The following RPS3 variants were observed in gnomAD, a reference collection of about 807,000 sequenced individuals.
The protein encoded by RPS3 is small ribosomal subunit protein uS3.
In RPS3, 2 loss-of-function variants were observed where a neutral mutation model predicts 25.8. That is an observed-to-expected ratio of 0.08 (90% CI 0.03 to 0.24). The LOEUF is 0.24. RPS3 is among the 10% of genes least tolerant of loss of function. RPS3 has a pLI of 1.00. For synonymous variants in RPS3, 114 were observed against 114.2 expected (o/e 1.00, Z 0.01); for missense variants, 107 against 307.1 (o/e 0.35, Z 4.87).
chr11:75,403,802 G>A, intron 4 of RPS3: 2 of 494,304 alleles, frequency 4.0e-6, no homozygotes. Context: ...ATGCAGCCAG[G>A]GTTGGAAAGT....
At position 75,404,933 on chromosome 11, in the gene RPS3, A is replaced by G; in HGVS notation, c.*3+65A>G. 1 of 1,067,512 alleles carries G rather than the reference A, an allele frequency of 9.4e-7. No homozygotes were observed. The highest frequency in any genetic ancestry group is 1.8e-5 in the South Asian group (1 of 55,890). 66.1% of individuals were successfully genotyped at this position (1,067,512 alleles called of 1,614,324 possible). ...GGTCCTTCCGAGTCTTTCTGTTAAT[A>G]CTTGTATCCCACATTCTGGTAAGCG... On this transcript the variant is annotated intron_variant, in intron 6 of 6. Coordinates refer to ENST00000531188, the MANE Select transcript of RPS3 (RefSeq NM_001005.5). This position sits in a 1 kb window ranked among gnomAD's most constrained non-coding sequence, Gnocchi z 4.6.
chr11:75,399,531 C>T lies in RPS3; in HGVS notation c.-17C>T, dbSNP rs17881757. On this transcript the variant is annotated 5_prime_UTR_variant, in exon 1 of 7. Transcript: ENST00000531188. ...CGCGAGCCACTTCCTTTCCTTTCAGCGGAGCGCGGCGGCAAGATGGCAGTG... is the reference window on the plus strand; with the variant it reads ...CGCGAGCCACTTCCTTTCCTTTCAGTGGAGCGCGGCGGCAAGATGGCAGTG... 4.4e-4 allele frequency: 704 copies of T among 1,613,774 alleles called. 5 individuals carry two copies. In the African/African-American group the frequency reaches 8.6e-3, roughly 20 times the overall value.
chr11:75,405,436 G>T, intron 6 of RPS3, 178 bp from the exon 7 acceptor site: 1 of 340,988 alleles, frequency 2.9e-6, no homozygotes, highest in South Asian at 2.4e-5. Flanking sequence ...TTGTTTATAG[G>T]TGTTGTCTCT....
chr11:75,399,916 G>A, intron 1 of RPS3: 1 of 404,248 alleles, frequency 2.5e-6, no homozygotes, highest in Non-Finnish European at 4.5e-6. Flanking sequence ...CCGTGGTTTT[G>A]GGAAGAGAAG....
intron 6 of RPS3, among the ~76,000 whole-genome samples, chr11:75,417,516 G>A (rs568785624): frequency 1.7e-4 from 26 of 152,356 alleles, no homozygotes; most frequent in African/African-American, 6.0e-4. Context: ...AGAATGGCGT[G>A]AACCCGGGAG....
At position 75,404,957 on chromosome 11, in the gene RPS3, C is replaced by T. The variant is rs995638721; in HGVS notation, c.*3+89C>T. 1.7e-5 allele frequency: 15 copies of T among 858,344 alleles called. No individual in the cohort carries two copies. The highest frequency in any genetic ancestry group is 1.7e-5 in the Non-Finnish European group (10 of 577,258). The allele number at this position is 858,344 out of a possible 1,614,324, so 53.2% of individuals were successfully genotyped here. On this transcript the variant is annotated intron_variant, in intron 6 of 6. Transcript: ENST00000531188. This position sits in a 1 kb window ranked among gnomAD's most constrained non-coding sequence, Gnocchi z 4.6. ...TACTTGTATCCCACATTCTGGTAAG[C>T]GTTTGGTGAATAAAAATTTCATTTA...
chr11:75,404,923 T>G lies in RPS3; in HGVS notation c.*3+55T>G. The G allele has an allele frequency of 8.3e-7, 1 of 1,202,000 alleles. No homozygotes were observed. The highest frequency in any genetic ancestry group is 1.2e-6 in the Non-Finnish European group (1 of 858,860). 74.5% of individuals were successfully genotyped at this position (1,202,000 alleles called of 1,614,324 possible). ...GGCATAATAGGGTCCTTCCGAGTCT[T>G]TCTGTTAATACTTGTATCCCACATT... On this transcript the variant is annotated intron_variant, in intron 6 of 6. Transcript: ENST00000531188. The surrounding 1 kb of genome is among the most constrained non-coding windows in gnomAD (Gnocchi z 4.6).
downstream of RPS3, among the ~76,000 whole-genome samples, chr11:75,408,055 T>G (rs1308837485): frequency 6.6e-6 from 1 of 152,232 alleles, no homozygotes; most frequent in African/African-American, 2.4e-5. Flanking sequence ...GTGCTGTTAA[T>G]TACCACTAGG....
intron 6 of RPS3, among the ~76,000 whole-genome samples, chr11:75,418,527 T>C (rs1043758229): frequency 6.6e-6 from 1 of 152,130 alleles, no homozygotes; most frequent in Non-Finnish European, 1.5e-5. Flanking sequence ...AAGTACAGGA[T>C]GAAGTGAATT....
At chr11:75,409,427 C>G (rs1948321468), downstream of RPS3, among the ~76,000 whole-genome samples, 1 of 133,448 alleles carries the variant, frequency 7.5e-6, no homozygotes, top group East Asian at 2.1e-4. Flanking sequence ...TTTAACAAAG[C>G]ACATCTTGCA....
At position 75,404,409 on chromosome 11, in the gene RPS3, C is replaced by A; in HGVS notation, c.538+202C>A. The A allele has an allele frequency of 1.3e-6, 1 of 776,964 alleles. No individual in the cohort carries two copies. Among genetic ancestry groups the A allele is most frequent in the Non-Finnish European group, 2.3e-6 (1 of 430,592 alleles). The allele number at this position is 776,964 out of a possible 1,614,324, so 48.1% of individuals were successfully genotyped here. A position where few individuals can be genotyped will look rare whatever the true frequency, so the allele number is the denominator to read the frequency against. Reference sequence around the variant, plus strand: ...AGAGTTGGTTTGTCCTTGTTTTAGCCATCTGTGTACCCTTCAGTGATGACA... The same window carrying A: ...AGAGTTGGTTTGTCCTTGTTTTAGCAATCTGTGTACCCTTCAGTGATGACA... On this transcript the variant is annotated intron_variant, in intron 5 of 6. Coordinates refer to ENST00000531188, the MANE Select transcript of RPS3 (RefSeq NM_001005.5). The surrounding 1 kb of genome is among the most constrained non-coding windows in gnomAD (Gnocchi z 4.6).
chr11:75,419,891 C>G (rs1948428874), intron 6 of RPS3, among the ~76,000 whole-genome samples: 1 of 152,184 alleles, frequency 6.6e-6, no homozygotes, highest in African/African-American at 2.4e-5. Context: ...ACCTCGGCCT[C>G]CCTAAGTACT....
At chr11:75,408,202 T>C (rs1350350199), downstream of RPS3, among the ~76,000 whole-genome samples, 2 of 152,178 alleles carry the variant, frequency 1.3e-5, no homozygotes, top group Non-Finnish European at 2.9e-5. Context: ...TGTGTAACCA[T>C]TTAAAAATGC....
chr11:75,417,398 A>G (rs1948408384), intron 6 of RPS3, among the ~76,000 whole-genome samples: 1 of 152,274 alleles, frequency 6.6e-6, no homozygotes, highest in East Asian at 1.9e-4. Flanking sequence ...AGTCGAGACC[A>G]TCCTGGCTAA....
downstream of RPS3, among the ~76,000 whole-genome samples, chr11:75,407,558 G>A (rs555393738): frequency 1.3e-5 from 2 of 152,072 alleles, no homozygotes; most frequent in Non-Finnish European, 2.9e-5. Flanking sequence ...TGCAAGCCCC[G>A]CCTCCCTGGT....
chr11:75,400,226 A>G (rs1340424943), intron 1 of RPS3, among the ~76,000 whole-genome samples: 1 of 152,220 alleles, frequency 6.6e-6, no homozygotes, highest in Non-Finnish European at 1.5e-5. Flanking sequence ...CATGGCTGGG[A>G]TTCTTTAGAC....
downstream of RPS3, among the ~76,000 whole-genome samples, chr11:75,410,709 T>G (rs1948347825): frequency 6.6e-6 from 1 of 152,016 alleles, no homozygotes; most frequent in Non-Finnish European, 1.5e-5. Context: ...GAGCACTGAG[T>G]GAACGAGACT....
intron 3 of RPS3, 84 bp from the exon 4 acceptor site, chr11:75,402,268 T>TA (rs1948221138): frequency 1.3e-6 from 2 of 1,587,522 alleles, no homozygotes; most frequent in Non-Finnish European, 1.7e-6. Flanking sequence ...TAGAAAGTGA[T>TA]ACTTGTGTGG....
intron 1 of RPS3, chr11:75,400,456 G>T: frequency 1.7e-6 from 1 of 603,746 alleles, no homozygotes; most frequent in South Asian, 1.4e-5. Context: ...GGCCTACTCT[G>T]TGCTGCGTTC....
Sources: allele counts gnomAD v4.1 joint callset (sites outside exome capture counted in the v4.1 genomes callset), GRCh38; gene constraint gnomAD v4.1.1; non-coding constraint Gnocchi (gnomAD v3.1); transcripts MANE v1.5; gene names NCBI Gene and HGNC (gene_info 2026-07-23, HGNC 2026-07-21).